Variants in WT1 observed in about 807,000 individuals in gnomAD.
WT1 encodes WT1 transcription factor, also known as Wilms tumor protein.
A neutral mutation model predicts 60.8 loss-of-function variants in WT1; 8 were observed. The observed-to-expected ratio is 0.13, with a 90% CI of 0.08 to 0.24. The LOEUF (loss-of-function observed/expected upper bound fraction) is 0.24, where lower values mean the gene tolerates loss of function less well. Among genes scored for constraint, WT1 ranks in the 10% least tolerant of loss-of-function variants. The pLI is 1.00. For missense variants in WT1, 568 were observed against 711.8 expected (o/e 0.80, Z 2.30); for synonymous variants, 312 against 297.1 (o/e 1.05, Z -0.52).
At chr11:32,401,998 T>C (rs1447013633) in intron 5 of WT1, among the ~76,000 whole-genome samples, 1 of 151,942 alleles carries the variant, frequency 6.6e-6, no homozygotes. Flanking sequence ...TCTGGTGTGG[T>C]GTGGGGAAGC....
In WT1 at chr11:32,417,455, T is replaced by C. The variant is rs5030198; in HGVS notation, c.965+122A>G. 0.057 allele frequency: 51,232 copies of C among 896,392 alleles called. 1,776 individuals are homozygous for C. Among genetic ancestry groups the C allele is most frequent in the Non-Finnish European group, 0.075 (41,945 of 556,798 alleles). The allele number at this position is 896,392 out of a possible 1,614,324, so 55.5% of individuals were successfully genotyped here. On this transcript the variant is annotated intron_variant, in intron 4 of 9. Transcript: ENST00000452863. ...GGGGAAGGAGGAAAGCGTTCTAATG[T>C]CACAGAGAGCTTTGCCCTTTCTTCT...
intron 1 of WT1, chr11:32,430,403 A>AC (rs1338356149): frequency 2.9e-5 from 40 of 1,371,156 alleles, no homozygotes; most frequent in Non-Finnish European, 3.8e-5. Context: ...AGGACACTAA[A>AC]AAGAGAGAGA....
intron 5 of WT1, among the ~76,000 whole-genome samples, chr11:32,409,826 A>G (rs1271609936): frequency 3.3e-5 from 5 of 152,008 alleles, no homozygotes; most frequent in South Asian, 2.1e-4. Context: ...CAACTTATCT[A>G]TGGAGCCCCT....
At chr11:32,415,959 A>G (rs1852655146) in intron 5 of WT1, among the ~76,000 whole-genome samples, 1 of 152,224 alleles carries the variant, frequency 6.6e-6, no homozygotes, top group Admixed American at 6.5e-5. Flanking sequence ...CAGAGAGAAG[A>G]AAAAGAAACA....
At chr11:32,391,005 G>T (rs578041291) in intron 9 of WT1, among the ~76,000 whole-genome samples, 3 of 152,094 alleles carry the variant, frequency 2.0e-5, no homozygotes, top group Admixed American at 1.3e-4. Flanking sequence ...TTGAGACAGG[G>T]TCTTGCTCTG....
rs997224171 is a variant in WT1 at position 32,434,887 on chromosome 11, C to G, written c.474G>C (p.Glu158Asp). The change falls in exon 1 of 10, where the codon GAG (glutamate) becomes GAC (aspartate). Residue 158 changes from glutamate to aspartate, a missense_variant. Around this residue, in one of 3 missense-constraint regions of WT1, gnomAD observed 523 missense variants for 565.1 expected, o/e 0.93. Transcript: ENST00000452863. ...CAGTGAAGGCGCTCAGGCACTGCTC[C>G]TCGTGCGGCTCCGCGCCGCCCCAGC... is the stretch of plus-strand genomic sequence containing the variant. 6.2e-7 allele frequency: 1 copy of G among 1,611,976 alleles called. No individual in the cohort carries two copies. The highest frequency in any genetic ancestry group is 1.1e-5 in the South Asian group (1 of 90,988).
Position 32,428,609 on chromosome 11 carries a change from C to A in WT1, c.672G>T (p.Thr224=), listed in dbSNP as rs756695525. The A allele has an allele frequency of 1.9e-6, 3 of 1,613,402 alleles. No homozygotes were observed. The highest frequency in any genetic ancestry group is 2.5e-6 in the Non-Finnish European group (3 of 1,179,980). Reference sequence around the variant, plus strand: ...AGCTGGGCGTCCCGTCGAAGGTGACCGTGCTGTAACCTGCGGGAGCGGCGG... The same window carrying A: ...AGCTGGGCGTCCCGTCGAAGGTGACAGTGCTGTAACCTGCGGGAGCGGCGG... Residue 224 remains threonine, a synonymous_variant, in exon 2 of 10, where the codon ACG becomes ACT. Coordinates refer to ENST00000452863, the MANE Select transcript of WT1 (RefSeq NM_024426.6).
intron 5 of WT1, among the ~76,000 whole-genome samples, chr11:32,412,237 C>A (rs1224649802): frequency 6.6e-6 from 1 of 152,144 alleles, no homozygotes; most frequent in East Asian, 1.9e-4. Context: ...CTTGGCCCTA[C>A]CAAAACGCAC....
At chr11:32,430,831 A>C in intron 1 of WT1, 6 of 1,282,340 alleles carry the variant, frequency 4.7e-6, no homozygotes, top group Non-Finnish European at 5.9e-6. Flanking sequence ...GAGCGGAGGG[A>C]GGTCTCTTTT....
chr11:32,395,125 G>T (rs1306934258), intron 7 of WT1, among the ~76,000 whole-genome samples: 1 of 152,218 alleles, frequency 6.6e-6, no homozygotes, highest in Non-Finnish European at 1.5e-5. Context: ...AATTTCAATG[G>T]TCCAAGGAAA....
At chr11:32,428,933 T>C in intron 1 of WT1, 3 of 436,818 alleles carry the variant, frequency 6.9e-6, no homozygotes, top group East Asian at 4.7e-5. Context: ...AAATTAAGTA[T>C]AAAACTCGTT....
intron 1 of WT1, among the ~76,000 whole-genome samples, chr11:32,430,322 T>C (rs1186972927): frequency 2.0e-5 from 3 of 152,058 alleles, no homozygotes; most frequent in African/African-American, 4.8e-5. Flanking sequence ...TTGAGGCCTA[T>C]AGATGAGCTT....
intron 6 of WT1, 26 bp from the exon 7 acceptor site, chr11:32,396,433 G>A (rs2132942734): frequency 6.2e-7 from 1 of 1,611,850 alleles, no homozygotes; most frequent in South Asian, 1.1e-5. Context: ...AAGAGGAAGG[G>A]AGGCTTTAAG....
At chr11:32,422,383 T>C (rs1852883192) in intron 3 of WT1, among the ~76,000 whole-genome samples, 1 of 152,246 alleles carries the variant, frequency 6.6e-6, no homozygotes, top group African/African-American at 2.4e-5. Flanking sequence ...GTGGCTTTGA[T>C]AACATTGCCC....
chr11:32,433,002 C>G (rs1853363383), intron 1 of WT1, among the ~76,000 whole-genome samples: 1 of 152,162 alleles, frequency 6.6e-6, no homozygotes, highest in African/African-American at 2.4e-5. Flanking sequence ...TTGCCGAGTT[C>G]CATATTTAAA....
At chr11:32,404,273 A>C (rs1455621194) in intron 5 of WT1, among the ~76,000 whole-genome samples, 1 of 151,386 alleles carries the variant, frequency 6.6e-6, no homozygotes, top group African/African-American at 2.4e-5. Flanking sequence ...TGTCTCAAAA[A>C]AAAAAAAAAA....
At chr11:32,396,155 A>C in intron 7 of WT1, 102 bp downstream of exon 7, 1 of 1,540,240 alleles carries the variant, frequency 6.5e-7, no homozygotes, top group South Asian at 1.1e-5. Context: ...AGCAGTGCTT[A>C]CTTTCCATCC....
At chr11:32,393,208 G>A (rs1851868634) in intron 7 of WT1, among the ~76,000 whole-genome samples, 1 of 152,206 alleles carries the variant, frequency 6.6e-6, no homozygotes, top group Admixed American at 6.5e-5. Context: ...CATGAAATAA[G>A]AGTTTTATGT....
At chr11:32,394,555 G>T (rs1349863036) in intron 7 of WT1, among the ~76,000 whole-genome samples, 1 of 152,194 alleles carries the variant, frequency 6.6e-6, no homozygotes, top group Non-Finnish European at 1.5e-5. Flanking sequence ...AAAAGAAGGA[G>T]TTTGAGTCCT....
Sources: gnomAD v4.1 joint callset for allele counts (sites outside exome capture counted in the v4.1 genomes callset) on GRCh38, gnomAD v4.1.1 for gene constraint, gnomAD v4.1.1 regional missense constraint, MANE v1.5 for transcripts, NCBI Gene and HGNC (gene_info 2026-07-23, HGNC 2026-07-21) for gene names.